The following TP53BP2 variants were observed in gnomAD, a reference collection of about 807,000 sequenced individuals.
TP53BP2 encodes apoptosis-stimulating of p53 protein 2.
Under a neutral mutation model 126.2 loss-of-function variants are expected in TP53BP2, and 62 were observed. The observed-to-expected ratio is 0.49, with a 90% CI of 0.40 to 0.61. The LOEUF is 0.61. Ranked by LOEUF, TP53BP2 falls within the 20% of genes least tolerant of loss-of-function variation. The pLI is 0.00. For missense variants in TP53BP2, 1,215 were observed against 1,402.8 expected (o/e 0.87, Z 2.14); for synonymous variants, 485 against 502.9 (o/e 0.96, Z 0.48).
In TP53BP2 at chr1:223,794,915, A is replaced by G. The variant is rs1278931820; in HGVS notation, c.2724+900T>C. ...TCTAAAAGATAATAAGGAATCAAACATGCAAAGTACATTTAAAAAAATTCT... is the reference window on the plus strand; with the variant it reads ...TCTAAAAGATAATAAGGAATCAAACGTGCAAAGTACATTTAAAAAAATTCT... On this transcript the variant is annotated intron_variant, in intron 13 of 17. Transcript: ENST00000343537. Among the ~76,000 whole-genome samples the G allele has an allele frequency of 1.5e-4, 23 of 152,254 alleles. 1 individual carries two copies. The highest frequency in any genetic ancestry group is 1.5e-3 in the Admixed American group (23 of 15,286).
In TP53BP2 at chr1:223,798,235, C is replaced by T; in HGVS notation, c.1928G>A (p.Arg643Lys). Residue 643 changes from arginine (R) to lysine (K), a missense_variant, in exon 12 of 18, where the codon AGA becomes AAA. Arg to Lys is a conservative substitution (Grantham distance 26). Coordinates refer to ENST00000343537, the MANE Select transcript of TP53BP2 (RefSeq NM_001031685.3). ...CTTACCACTTGAAAAGTGTGGCCCT[C>T]TGGTATGAGTCTTGGTCAACGCGCT... is the stretch of plus-strand genomic sequence containing the variant. The part of the protein sequence containing the change: ...VQSALTKTHT[R>K]GPHFSSVYGK... 1 of 1,613,588 alleles carries T rather than the reference C, an allele frequency of 6.2e-7. No homozygotes were observed. Among genetic ancestry groups the T allele is most frequent in the Non-Finnish European group, 8.5e-7 (1 of 1,179,688 alleles).
chr1:223,780,533 T>C lies in TP53BP2; in HGVS notation c.*320A>G, dbSNP rs1661733764. ...CAGGACAGAGAGCTGATTTCCCAACTGCCCAATAAATGATCCTATTTACTA... is the reference window on the plus strand; with the variant it reads ...CAGGACAGAGAGCTGATTTCCCAACCGCCCAATAAATGATCCTATTTACTA... On this transcript the variant is annotated 3_prime_UTR_variant, in exon 18 of 18. Transcript: ENST00000343537. The C allele has an allele frequency of 1.2e-5, 3 of 241,352 alleles. No individual in the cohort carries two copies. Among genetic ancestry groups the C allele is most frequent in the African/African-American group, 6.8e-5 (3 of 44,128 alleles). 15.0% of individuals were successfully genotyped at this position (241,352 alleles called of 1,614,324 possible). A position where few individuals can be genotyped will look rare whatever the true frequency, so the allele number is the denominator to read the frequency against.
chr1:223,836,671 T>C (rs1483137832), intron 1 of TP53BP2, among the ~76,000 whole-genome samples: 1 of 152,144 alleles, frequency 6.6e-6, no homozygotes, highest in African/African-American at 2.4e-5. Context: ...AATGGCCTGA[T>C]GGGGCAGAGA....
chr1:223,798,194 T>C, intron 12 of TP53BP2, 21 bp downstream of exon 12: 1 of 1,600,396 alleles, frequency 6.2e-7, no homozygotes, highest in Non-Finnish European at 8.5e-7. Flanking sequence ...GCACGTCACC[T>C]ATGAACGTTA....
chr1:223,814,332 TC>T lies in TP53BP2; in HGVS notation c.196del (p.Glu66SerfsTer32). 1 of 1,613,570 alleles carries T rather than the reference TC, an allele frequency of 6.2e-7. No homozygotes were observed. On this transcript the variant is annotated frameshift_variant, in exon 3 of 18. Coordinates refer to ENST00000343537, the MANE Select transcript of TP53BP2 (RefSeq NM_001031685.3). LOFTEE classifies it high-confidence loss of function. ...TCGTTGAAGAACATCAAACATTCGCTCATTATCCGCAACTGGACGTTCTAAA... is the reference window on the plus strand; with the variant it reads ...TCGTTGAAGAACATCAAACATTCGCTATTATCCGCAACTGGACGTTCTAAA... ...CGSERPVADN[E>X]RMFDVLQRFG...
At chr1:223,825,026 AACACAC>A (rs3058420) in intron 1 of TP53BP2, among the ~76,000 whole-genome samples, 13 of 143,562 alleles carry the variant, frequency 9.1e-5, no homozygotes, top group East Asian at 2.0e-4. Context: ...TCCAACACCA[AACACAC>A]ACACACACAC....
intron 17 of TP53BP2, among the ~76,000 whole-genome samples, chr1:223,781,818 C>G (rs983130203): frequency 1.9e-4 from 29 of 152,006 alleles, no homozygotes; most frequent in African/African-American, 7.0e-4. Context: ...AAAAAAAGAT[C>G]AGGAAAACAA....
chr1:223,818,479 G>C (rs951445252), intron 2 of TP53BP2: 1 of 145,620 alleles, frequency 6.9e-6, no homozygotes, highest in African/African-American at 2.6e-5. Context: ...ACTTCAGCCT[G>C]GTGACAGAGC....
chr1:223,835,943 A>G (rs903038091), intron 1 of TP53BP2, among the ~76,000 whole-genome samples: 2 of 152,160 alleles, frequency 1.3e-5, no homozygotes, highest in African/African-American at 2.4e-5. Context: ...AAGCAGTGGA[A>G]GAAGGCTTAA....
At chr1:223,841,184 A>C (rs1300872187) in intron 1 of TP53BP2, among the ~76,000 whole-genome samples, 1 of 152,204 alleles carries the variant, frequency 6.6e-6, no homozygotes, top group Non-Finnish European at 1.5e-5. Flanking sequence ...CGGAGGCTGC[A>C]GTGAGCCGAG....
intron 1 of TP53BP2, among the ~76,000 whole-genome samples, chr1:223,828,871 CG>C (rs1192534986): frequency 1.3e-5 from 2 of 151,904 alleles, no homozygotes; most frequent in African/African-American, 4.8e-5. Flanking sequence ...GTTTCTTTCT[CG>C]GGTGATGAAA....
In TP53BP2 at chr1:223,800,786, G is replaced by A; in HGVS notation, c.1250C>T (p.Pro417Leu). ...ATCTGCATTTGAAGGACTCCAATCAGGGCCAACTGGATGGATTTTAGAGCC... is the reference window on the plus strand; with the variant it reads ...ATCTGCATTTGAAGGACTCCAATCAAGGCCAACTGGATGGATTTTAGAGCC... The part of the protein sequence containing the change: ...TKGSKIHPVG[P>L]DWSPSNADLF... The change falls in exon 10 of 18, where the codon CCT (proline) becomes CTT (leucine). Residue 417 changes from proline (P) to leucine (L), a missense_variant. Transcript: ENST00000343537. 1 of 1,608,384 alleles carries A rather than the reference G, an allele frequency of 6.2e-7. No homozygotes were observed. Among genetic ancestry groups the A allele is most frequent in the Non-Finnish European group, 8.5e-7 (1 of 1,178,552 alleles).
chr1:223,823,697 C>T (rs60131749), intron 1 of TP53BP2, among the ~76,000 whole-genome samples: 17,102 of 152,130 alleles, frequency 0.11, 1,221 homozygotes, highest in East Asian at 0.21. Context: ...AAAAATAAAA[C>T]GATTAACAAA....
At position 223,784,256 on chromosome 1, in the gene TP53BP2, A is replaced by C; in HGVS notation, c.3222T>G (p.Tyr1074Ter). 1 of 1,614,198 alleles carries C rather than the reference A, an allele frequency of 6.2e-7. No individual in the cohort carries two copies. The highest frequency in any genetic ancestry group is 8.5e-7 in the Non-Finnish European group (1 of 1,180,032). ...GCAGCTCATCATCATTCTGAGGTTC[A>C]TAATCCCAAAGCGCATAAATGACTC... The part of the protein sequence containing the change: ...NKGVIYALWD[Y>*]EPQNDDELPM... The change falls in exon 17 of 18, where the codon TAT (tyrosine) becomes TAG (stop). Residue 1074 changes from tyrosine (Y) to a stop codon, truncating the protein, a stop_gained. Transcript: ENST00000343537. LOFTEE classifies it high-confidence loss of function.
intron 1 of TP53BP2, among the ~76,000 whole-genome samples, chr1:223,838,346 T>C (rs1198397716): frequency 6.6e-6 from 1 of 152,156 alleles, no homozygotes; most frequent in African/African-American, 2.4e-5. Flanking sequence ...AATTAAATGG[T>C]TAATGAGGGA....
chr1:223,833,005 C>T (rs1370070007), intron 1 of TP53BP2, among the ~76,000 whole-genome samples: 1 of 152,206 alleles, frequency 6.6e-6, no homozygotes, highest in Non-Finnish European at 1.5e-5. Context: ...CTCAAAGAGA[C>T]ACTCTCTACC....
In TP53BP2 at chr1:223,831,479, AAATATATATATATATATATATATATAT is replaced by A. The variant is rs1347619231; in HGVS notation, c.28-10139_28-10113del. 6.0e-3 allele frequency among the ~76,000 whole-genome samples: 278 copies of A among 46,168 alleles called. 2 individuals carry two copies. The highest frequency in any genetic ancestry group is 0.013 in the Middle Eastern group (1 of 80). The allele number at this position is 46,168 out of a possible 152,430, so 30.3% of individuals were successfully genotyped here. On this transcript the variant is annotated intron_variant, in intron 1 of 17. Transcript: ENST00000343537. ...ATATGTACCATCTAAAAAAAAAAAA[AAATATATATATATATATATATATATAT>A]ATATATATATACTGACCTGTATGAA...
At chr1:223,832,477 T>C (rs1455783861) in intron 1 of TP53BP2, among the ~76,000 whole-genome samples, 1 of 152,162 alleles carries the variant, frequency 6.6e-6, no homozygotes, top group African/African-American at 2.4e-5. Flanking sequence ...TTGTACCCCT[T>C]ATGGAGGCAG....
At chr1:223,814,388 G>A in intron 2 of TP53BP2, 35 bp from the exon 3 acceptor site, 1 of 1,439,932 alleles carries the variant, frequency 6.9e-7, no homozygotes, top group Non-Finnish European at 9.7e-7. Context: ...ATTATTTTCA[G>A]GTAAAAGAAA....
Sources: allele counts gnomAD v4.1 joint callset (sites outside exome capture counted in the v4.1 genomes callset), GRCh38; gene constraint gnomAD v4.1.1; transcripts MANE v1.5; gene names NCBI Gene and HGNC (gene_info 2026-07-23, HGNC 2026-07-21).